The following PAM variants were observed in gnomAD, a reference collection of about 807,000 sequenced individuals.
PAM encodes peptidylglycine alpha-amidating monooxygenase, also known as peptidyl-glycine alpha-amidating monooxygenase.
Under a neutral mutation model 122.1 loss-of-function variants are expected in PAM, and 72 were observed. The ratio of observed to expected loss-of-function variants is 0.59; its 90% CI spans 0.49 to 0.72. PAM has a LOEUF of 0.72. Among genes scored for constraint, PAM ranks in the 30% least tolerant of loss-of-function variants. The pLI is 0.00. For synonymous variants in PAM, 389 were observed against 404.4 expected (o/e 0.96, Z 0.46); for missense variants, 1,106 against 1,183.7 (o/e 0.93, Z 0.96).
intron 1 of PAM, among the ~76,000 whole-genome samples, chr5:102,767,742 C>T (rs549686909): frequency 1.1e-3 from 165 of 152,068 alleles, no homozygotes; most frequent in African/African-American, 3.7e-3. Context: ...TTTCACTAAA[C>T]GAAAAACAGC....
In PAM at chr5:102,940,843, G is replaced by T. The variant is rs112300752; in HGVS notation, c.527-5994G>T. Among the ~76,000 whole-genome samples, 767 of 152,118 alleles carry T rather than the reference G, an allele frequency of 5.0e-3. 7 individuals carry two copies. The highest frequency in any genetic ancestry group is 0.018 in the African/African-American group (734 of 41,516). ...GGATTTTTGGGTGCTGGTTACATGG[G>T]TGTTAGTTTTTTAAGTTTCCTGGAT... On this transcript the variant is annotated intron_variant, in intron 7 of 25. Transcript: ENST00000438793.
At chr5:102,982,493 C>T (rs779752545) in intron 15 of PAM, among the ~76,000 whole-genome samples, 2 of 152,188 alleles carry the variant, frequency 1.3e-5, no homozygotes, top group African/African-American at 2.4e-5. Context: ...TCATGCTCAG[C>T]TCACTGTTGC....
intron 1 of PAM, chr5:102,807,934 G>A (rs185743883): frequency 2.6e-5 from 4 of 152,266 alleles, no homozygotes; most frequent in Non-Finnish European, 5.9e-5. Flanking sequence ...AATTCATCGA[G>A]TCCTCTTGCT....
chr5:103,004,153 A>T (rs539992247), intron 17 of PAM, among the ~76,000 whole-genome samples: 4 of 152,036 alleles, frequency 2.6e-5, no homozygotes, highest in Non-Finnish European at 5.9e-5. Context: ...GGGAGATGAT[A>T]ATAATGATGC....
chr5:102,804,467 AGGGTGATGGGGAGTTACAACCCTTTT>A (rs1347936411), intron 1 of PAM, among the ~76,000 whole-genome samples: 2 of 152,180 alleles, frequency 1.3e-5, no homozygotes, highest in Non-Finnish European at 2.9e-5. Flanking sequence ...ACTGGATTTA[AGGGTGATGGGGAGTTACAACCCTTTT>A]GTCATTAGAA....
chr5:102,930,956 C>T (rs1293991772), intron 7 of PAM, among the ~76,000 whole-genome samples: 1 of 152,178 alleles, frequency 6.6e-6, no homozygotes, highest in Non-Finnish European at 1.5e-5. Flanking sequence ...TAAGTCCAGG[C>T]AGACTGGTAA....
chr5:102,962,447 AT>A (rs1360245919), intron 14 of PAM, among the ~76,000 whole-genome samples: 1 of 151,850 alleles, frequency 6.6e-6, no homozygotes, highest in Non-Finnish European at 1.5e-5. Context: ...TCAATGAATT[AT>A]TTTGACATTT....
chr5:102,758,839 G>A (rs930944611), intron 1 of PAM, among the ~76,000 whole-genome samples: 34 of 152,068 alleles, frequency 2.2e-4, no homozygotes, highest in African/African-American at 8.0e-4. Context: ...TAGGGGGAGG[G>A]GGGAAGGAAT....
At chr5:102,816,177 A>T (rs914238883) in intron 1 of PAM, among the ~76,000 whole-genome samples, 9 of 152,134 alleles carry the variant, frequency 5.9e-5, no homozygotes, top group African/African-American at 2.2e-4. Context: ...GTTTTATGTT[A>T]TTGATGATCT....
rs36068804 is a variant in PAM, at chr5:102,801,772, A to ATTTTTTTTTTT, written c.-374+46438_-374+46448dup. On this transcript the variant is annotated intron_variant, in intron 1 of 25. Transcript: ENST00000438793. The stretch of plus-strand genomic sequence containing the variant: ...CTTATTTGTATCCTAGGGAAAAGGT[A>ATTTTTTTTTTT]TTTTTTTTTTTTTTTTTTTTTTTTG... 9.9e-4 allele frequency among the ~76,000 whole-genome samples: 98 copies of ATTTTTTTTTTT among 98,966 alleles called. 2 individuals carry two copies. The highest frequency in any genetic ancestry group is 4.8e-3 in the East Asian group (15 of 3,140). 64.9% of individuals were successfully genotyped at this position (98,966 alleles called of 152,430 possible). A position where few individuals can be genotyped will look rare whatever the true frequency, so the allele number is the denominator to read the frequency against.
chr5:102,858,602 T>G (rs533513208), intron 1 of PAM, among the ~76,000 whole-genome samples: 1 of 152,242 alleles, frequency 6.6e-6, no homozygotes, highest in Non-Finnish European at 1.5e-5. Flanking sequence ...TTACCTAACT[T>G]TCAGATAGCA....
chr5:102,843,143 T>A (rs1779078030), intron 1 of PAM, among the ~76,000 whole-genome samples: 1 of 152,210 alleles, frequency 6.6e-6, no homozygotes, highest in Non-Finnish European at 1.5e-5. Flanking sequence ...ACTTGACCCA[T>A]GAGTAAATGC....
chr5:102,857,480 A>G (rs993726228), intron 1 of PAM, among the ~76,000 whole-genome samples: 9 of 152,228 alleles, frequency 5.9e-5, no homozygotes, highest in African/African-American at 2.2e-4. Flanking sequence ...TTTTGGATCA[A>G]TTTGAACCAT....
intron 7 of PAM, among the ~76,000 whole-genome samples, chr5:102,941,611 C>T (rs567790959): frequency 2.0e-5 from 3 of 151,934 alleles, no homozygotes; most frequent in Middle Eastern, 6.8e-3. Flanking sequence ...TATTTTATCT[C>T]GATGTATCTG....
intron 3 of PAM, among the ~76,000 whole-genome samples, chr5:102,898,958 C>G (rs936803762): frequency 1.3e-5 from 2 of 151,478 alleles, no homozygotes; most frequent in African/African-American, 2.4e-5. Context: ...TAATACCTAC[C>G]GAATAGTGTT....
At chr5:103,017,833 A>G (rs1782473869) in intron 22 of PAM, among the ~76,000 whole-genome samples, 1 of 152,216 alleles carries the variant, frequency 6.6e-6, no homozygotes, top group Non-Finnish European at 1.5e-5. Flanking sequence ...CGTTTGAGAC[A>G]TATTATCCCA....
intron 14 of PAM, among the ~76,000 whole-genome samples, chr5:102,965,737 A>G (rs968116766): frequency 1.3e-5 from 2 of 152,066 alleles, no homozygotes; most frequent in African/African-American, 2.4e-5. Context: ...TGACAAAAAT[A>G]TAATTTATTG....
At chr5:102,788,329 G>A (rs929220208) in intron 1 of PAM, among the ~76,000 whole-genome samples, 5 of 152,068 alleles carry the variant, frequency 3.3e-5, no homozygotes, top group Non-Finnish European at 1.5e-5. Flanking sequence ...TGATGAAGGT[G>A]GCAGTGAGTT....
At chr5:103,020,629 G>T (rs140008501) in intron 23 of PAM, among the ~76,000 whole-genome samples, 1 of 152,022 alleles carries the variant, frequency 6.6e-6, no homozygotes, top group Admixed American at 6.6e-5. Context: ...TTAAGGACTC[G>T]CTATGAGTTG....
Sources: gnomAD v4.1 joint callset for allele counts (sites outside exome capture counted in the v4.1 genomes callset) on GRCh38, gnomAD v4.1.1 for gene constraint, MANE v1.5 for transcripts, NCBI Gene and HGNC (gene_info 2026-07-23, HGNC 2026-07-21) for gene names.